TBX19: variants seen among roughly 807,000 people sequenced by gnomAD.
TBX19 encodes T-box transcription factor TBX19.
Under a neutral mutation model 40.9 loss-of-function variants are expected in TBX19, and 33 were observed. That is an observed-to-expected ratio of 0.81 (90% CI 0.61 to 1.08). The LOEUF (loss-of-function observed/expected upper bound fraction) is 1.08, where lower values mean the gene tolerates loss of function less well. Ranked by LOEUF, TBX19 falls within the 50% of genes least tolerant of loss-of-function variation. TBX19 has a pLI of 0.00. For synonymous variants in TBX19, 220 were observed against 225.0 expected (o/e 0.98, Z 0.20); for missense variants, 494 against 574.0 (o/e 0.86, Z 1.42).
At position 168,281,303 on chromosome 1, in the gene TBX19, T is replaced by A. The variant is rs1648642162; in HGVS notation, c.203+10T>A. The A allele has an allele frequency of 6.2e-7, 1 of 1,613,706 alleles. No homozygotes were observed. Among genetic ancestry groups the A allele is most frequent in the Non-Finnish European group, 8.5e-7 (1 of 1,179,712 alleles). Reference sequence around the variant, plus strand: ...TGACCAAGAATGGCAGGTGAGTTTATCTGCCGCCCCGCGTGGGCTGGCAGG... The same window carrying A: ...TGACCAAGAATGGCAGGTGAGTTTAACTGCCGCCCCGCGTGGGCTGGCAGG... On this transcript the variant is annotated intron_variant, in intron 1 of 7. Transcript: ENST00000367821.
At chr1:168,302,981 A>G (rs986306787) in intron 5 of TBX19, among the ~76,000 whole-genome samples, 1 of 152,130 alleles carries the variant, frequency 6.6e-6, no homozygotes, top group African/African-American at 2.4e-5. Context: ...AGCCTGAAGC[A>G]CCTTAACTTT....
rs774542130 is a variant in TBX19, at chr1:168,281,108, G to A, written c.18G>A (p.Leu6=). 13 of 1,613,974 alleles carry A rather than the reference G, an allele frequency of 8.1e-6. No homozygotes were observed. Among genetic ancestry groups the A allele is most frequent in the African/African-American group, 1.3e-5 (1 of 74,900 alleles). Residue 6 remains leucine (L), a synonymous_variant, in exon 1 of 8, where the codon CTG becomes CTA. Coordinates refer to ENST00000367821, the MANE Select transcript of TBX19 (RefSeq NM_005149.3). ...AAGTGCCTATGGCCATGAGTGAGCT[G>A]GGCACTCGGAAGCCCAGCGATGGCA... The part of the protein sequence containing the change: MAMSE[L]GTRKPSDGTV...
At chr1:168,294,430 T>C (rs948101450) in intron 3 of TBX19, among the ~76,000 whole-genome samples, 2 of 151,954 alleles carry the variant, frequency 1.3e-5, no homozygotes, top group Non-Finnish European at 2.9e-5. Flanking sequence ...GCCTCCTAGG[T>C]TCAAGCGATT....
Position 168,300,503 on chromosome 1 carries a change from G to A in TBX19, c.727+20G>A. ...CTCACTGTGAGTTGGGTGTACATGA[G>A]GCGGGAGGTGCGTGGGGCTGTACCT... On this transcript the variant is annotated intron_variant, in intron 5 of 7. Coordinates refer to ENST00000367821, the MANE Select transcript of TBX19 (RefSeq NM_005149.3). 6.2e-7 allele frequency: 1 copy of A among 1,613,200 alleles called. No homozygotes were observed. The highest frequency in any genetic ancestry group is 8.5e-7 in the Non-Finnish European group (1 of 1,179,382).
intron 1 of TBX19, 103 bp from the exon 2 acceptor site, chr1:168,291,057 C>G: frequency 6.6e-7 from 1 of 1,526,588 alleles, no homozygotes; most frequent in Non-Finnish European, 9.1e-7. Flanking sequence ...TTGGCCTCCT[C>G]ACAGGGCATT....
At chr1:168,295,213 C>G (rs181797821) in intron 3 of TBX19, among the ~76,000 whole-genome samples, 2 of 151,840 alleles carry the variant, frequency 1.3e-5, no homozygotes, top group African/African-American at 4.8e-5. Flanking sequence ...ATTGCTTGAA[C>G]CTGGGAGGCG....
In TBX19 at chr1:168,313,075, C is replaced by A. The variant is rs1649566110; in HGVS notation, c.*73C>A. 1.9e-6 allele frequency: 3 copies of A among 1,570,124 alleles called. No individual in the cohort carries two copies. Among genetic ancestry groups the A allele is most frequent in the Non-Finnish European group, 2.6e-6 (3 of 1,142,866 alleles). The stretch of plus-strand genomic sequence containing the variant: ...GTGCTTAGAAACCCCATCAACTGAT[C>A]TAGTGAGTCAGACTGTGGAATCTCC... On this transcript the variant is annotated 3_prime_UTR_variant, in exon 8 of 8. Transcript: ENST00000367821.
intron 2 of TBX19, among the ~76,000 whole-genome samples, chr1:168,291,706 T>C (rs943929230): frequency 6.6e-6 from 1 of 152,176 alleles, no homozygotes; most frequent in Non-Finnish European, 1.5e-5. Context: ...GCTGTGCTTT[T>C]TACCCAGCTC....
intron 1 of TBX19, among the ~76,000 whole-genome samples, chr1:168,284,467 G>A (rs1225010636): frequency 6.6e-6 from 1 of 152,080 alleles, no homozygotes; most frequent in Non-Finnish European, 1.5e-5. Flanking sequence ...TTGAGCCCAG[G>A]AGTTTGAAAC....
chr1:168,293,896 T>C (rs1237438548), intron 3 of TBX19, among the ~76,000 whole-genome samples: 1 of 152,134 alleles, frequency 6.6e-6, no homozygotes, highest in Non-Finnish European at 1.5e-5. Flanking sequence ...TTCTTTTTGA[T>C]TAAACTTTAA....
chr1:168,290,825 A>G lies in TBX19; in HGVS notation c.204-335A>G, dbSNP rs1648916868. 2.0e-5 allele frequency among the ~76,000 whole-genome samples: 3 copies of G among 152,298 alleles called. 1 individual carries two copies. The South Asian group carries it at 6.2e-4, about 32-fold the overall frequency. On this transcript the variant is annotated intron_variant, in intron 1 of 7. Transcript: ENST00000367821. ...TTTGTGAGGTTGGGAAGGGCTGGTC[A>G]GTGGCATCAGTGTGCCAGTGGGAAA...
Position 168,294,338 on chromosome 1 carries a change from C to CTT in TBX19, c.603+1071_603+1072dup, listed in dbSNP as rs71118921. Among the ~76,000 whole-genome samples, 385 of 145,702 alleles carry CTT rather than the reference C, an allele frequency of 2.6e-3. 3 individuals carry two copies. The highest frequency in any genetic ancestry group is 7.3e-3 in the African/African-American group (292 of 40,002). ...CATTTAAGTTGTTTCCAACTGTTTT[C>CTT]TTTTTTTTTTTTGAGACAGAGTTTC... On this transcript the variant is annotated intron_variant, in intron 3 of 7. Coordinates refer to ENST00000367821, the MANE Select transcript of TBX19 (RefSeq NM_005149.3).
intron 3 of TBX19, among the ~76,000 whole-genome samples, chr1:168,296,349 T>C (rs1216517280): frequency 6.6e-6 from 1 of 152,108 alleles, no homozygotes; most frequent in Non-Finnish European, 1.5e-5. Flanking sequence ...TACCTGAGAC[T>C]GGGTAATTTA....
At position 168,297,764 on chromosome 1, in the gene TBX19, C is replaced by A; in HGVS notation, c.644C>A (p.Ala215Asp). Residue 215 changes from alanine to aspartate, a missense_variant, in exon 4 of 8, where the codon GCC becomes GAC. By Grantham distance (126) the Ala-to-Asp change is moderately radical. This residue lies in a region of TBX19 where 284 missense variants were observed against 307.3 expected (regional missense o/e 0.92). Coordinates refer to ENST00000367821, the MANE Select transcript of TBX19 (RefSeq NM_005149.3). The stretch of plus-strand genomic sequence containing the variant: ...ATCAAGTACAATCCTTTTGCCAAAG[C>A]CTTCTTGGATGCCAAGGAAAGGTAA... Reference protein sequence around the residue: ...LKIKYNPFAKAFLDAKERNHL... With the variant: ...LKIKYNPFAKDFLDAKERNHL... 1 of 1,614,088 alleles carries A rather than the reference C, an allele frequency of 6.2e-7. No homozygotes were observed. Among genetic ancestry groups the A allele is most frequent in the Non-Finnish European group, 8.5e-7 (1 of 1,179,994 alleles).
In TBX19 at chr1:168,308,818, A is replaced by C; in HGVS notation, c.993A>C (p.Thr331=). The part of the protein sequence containing the change: ...GPDSWTSLSS[T]PHASILSVPH... Reference sequence around the variant, plus strand: ...ACAGCTGGACTTCCTTATCCTCCACACCCCATGCCAGCATCCTGTCTGTAC... The same window carrying C: ...ACAGCTGGACTTCCTTATCCTCCACCCCCCATGCCAGCATCCTGTCTGTAC... Residue 331 remains threonine, a synonymous_variant, in exon 7 of 8, where the codon ACA becomes ACC. Coordinates refer to ENST00000367821, the MANE Select transcript of TBX19 (RefSeq NM_005149.3). 2 of 1,613,958 alleles carry C rather than the reference A, an allele frequency of 1.2e-6. No individual in the cohort carries two copies. The highest frequency in any genetic ancestry group is 1.7e-6 in the Non-Finnish European group (2 of 1,179,990).
At position 168,300,443 on chromosome 1, in the gene TBX19, G is replaced by A. The variant is rs750147702; in HGVS notation, c.687G>A (p.Pro229=). 11 of 1,613,980 alleles carry A rather than the reference G, an allele frequency of 6.8e-6. No homozygotes were observed. The highest frequency in any genetic ancestry group is 3.3e-5 in the South Asian group (3 of 91,066). The change falls in exon 5 of 8, where the codon CCG becomes CCA. Residue 229 remains proline (P), a synonymous_variant. Transcript: ENST00000367821. ...TCAGAAATCACCTAAGAGACGTACCGGAGGCTATCTCTGAGAGCCAGCATG... is the reference window on the plus strand; with the variant it reads ...TCAGAAATCACCTAAGAGACGTACCAGAGGCTATCTCTGAGAGCCAGCATG... ...AKERNHLRDV[P]EAISESQHVT... is the part of the protein sequence containing the mutation.
rs1272079232 is a variant in TBX19 at position 168,305,047 on chromosome 1, C to T, written c.767C>T (p.Thr256Ile). The change falls in exon 6 of 8, where the codon ACA becomes ATA. Residue 256 changes from threonine (T) to isoleucine (I), a missense_variant. Physicochemically the swap from Thr to Ile is moderately conservative, Grantham distance 89. This residue lies in a region of TBX19 where 284 missense variants were observed against 307.3 expected (regional missense o/e 0.92). Transcript: ENST00000367821. ...WIFSNPDGVC[T>I]AGNSNYQYAA... ...TTTTCCAATCCAGATGGAGTGTGCA[C>T]AGCAGGAAACTCCAATTACCAGTAT... The T allele has an allele frequency of 6.2e-7, 1 of 1,614,164 alleles. No homozygotes were observed. Among genetic ancestry groups the T allele is most frequent in the Non-Finnish European group, 8.5e-7 (1 of 1,180,048 alleles).
chr1:168,285,464 C>T (rs1356981574), intron 1 of TBX19, among the ~76,000 whole-genome samples: 2 of 152,362 alleles, frequency 1.3e-5, no homozygotes, highest in East Asian at 3.9e-4. Flanking sequence ...TTGCAAACCT[C>T]ACTTCTCATA....
At chr1:168,308,927 T>G (rs750408715) in intron 7 of TBX19, 50 bp downstream of exon 7, 1 of 1,613,490 alleles carries the variant, frequency 6.2e-7, no homozygotes, top group Admixed American at 1.7e-5. Context: ...GGGGTTTACT[T>G]TAGCACTGGG....
Sources: allele counts gnomAD v4.1 joint callset (sites outside exome capture counted in the v4.1 genomes callset), GRCh38; gene constraint gnomAD v4.1.1; regional missense constraint gnomAD v4.1.1; transcripts MANE v1.5; gene names NCBI Gene and HGNC (gene_info 2026-07-23, HGNC 2026-07-21).